FBXL5: variants seen among roughly 807,000 people sequenced by gnomAD.
The protein encoded by FBXL5 is F-box/LRR-repeat protein 5.
Under a neutral mutation model 78.3 loss-of-function variants are expected in FBXL5, and 26 were observed. That is an observed-to-expected ratio of 0.33 (90% CI 0.24 to 0.46). FBXL5 has a LOEUF of 0.46. FBXL5 is among the 20% of genes least tolerant of loss of function. The probability of loss-of-function intolerance (pLI) is 1.00; values close to 1 mark genes in which losing one functional copy is unlikely to be tolerated. For missense variants in FBXL5, 710 were observed against 829.2 expected, an observed-to-expected ratio of 0.86 and a Z score of 1.77; for synonymous variants, 295 against 282.5, an observed-to-expected ratio of 1.04 and a Z score of -0.45.
intron 1 of FBXL5, among the ~76,000 whole-genome samples, chr4:15,672,990 C>T (rs1354805235): frequency 6.6e-6 from 1 of 152,100 alleles, no homozygotes; most frequent in Non-Finnish European, 1.5e-5. Flanking sequence ...CTTCCACTTC[C>T]AGATTTTGTC....
chr4:15,625,622 C>T lies in FBXL5; in HGVS notation c.1480G>A (p.Val494Met). Reference sequence around the variant, plus strand: ...TCAACATTTCTATGTCTCCATTCCACAGTATCTTCAATATCAGCCAAATCT... The same window carrying T: ...TCAACATTTCTATGTCTCCATTCCATAGTATCTTCAATATCAGCCAAATCT... ...AEDLADIEDT[V>M]EWRHRNVESL... Residue 494 changes from valine to methionine, a missense_variant, in exon 9 of 11, where the codon GTG (valine) becomes ATG (methionine). By Grantham distance (21) the Val-to-Met change is conservative. This residue lies in a region of FBXL5 where 517 missense variants were observed against 542.9 expected (regional missense o/e 0.95). Coordinates refer to ENST00000341285, the MANE Select transcript of FBXL5 (RefSeq NM_012161.4). The T allele has an allele frequency of 6.2e-7, 1 of 1,614,176 alleles. No individual in the cohort carries two copies. Among genetic ancestry groups the T allele is most frequent in the South Asian group, 1.1e-5 (1 of 91,082 alleles).
intron 1 of FBXL5, among the ~76,000 whole-genome samples, chr4:15,650,821 T>C (rs190672704): frequency 4.6e-5 from 7 of 152,002 alleles, no homozygotes; most frequent in Admixed American, 4.6e-4. Context: ...TTAGTAGAGA[T>C]GAGGTTTCAC....
intron 9 of FBXL5, among the ~76,000 whole-genome samples, chr4:15,616,762 C>T (rs1169096233): frequency 1.3e-5 from 2 of 152,170 alleles, no homozygotes; most frequent in African/African-American, 4.8e-5. Context: ...CTGTATTTTG[C>T]CCGGCTCTCT....
At chr4:15,623,497 G>A (rs1283771857) in intron 9 of FBXL5, among the ~76,000 whole-genome samples, 1 of 144,302 alleles carries the variant, frequency 6.9e-6, no homozygotes, top group Non-Finnish European at 1.5e-5. Context: ...AATAAGGTAT[G>A]ACAGTAATAA....
At position 15,605,538 on chromosome 4, in the gene FBXL5, T is replaced by C. The variant is rs942640270; in HGVS notation, c.*185A>G. ...CTAATCCCTTTCTAAACCAAAAGTA[T>C]AATTTGCAAGAGAAACAACATTACA... On this transcript the variant is annotated 3_prime_UTR_variant, in exon 11 of 11. Coordinates refer to ENST00000341285, the MANE Select transcript of FBXL5 (RefSeq NM_012161.4). The C allele has an allele frequency of 2.0e-5, 11 of 560,220 alleles. No homozygotes were observed. The South Asian group carries it at 2.5e-4, about 13-fold the overall frequency. The allele number at this position is 560,220 out of a possible 1,614,324, so 34.7% of individuals were successfully genotyped here.
chr4:15,646,366 A>G (rs935243708), intron 1 of FBXL5, among the ~76,000 whole-genome samples: 9 of 90,576 alleles, frequency 9.9e-5, no homozygotes, highest in Non-Finnish European at 5.1e-5. Flanking sequence ...TACATATTAT[A>G]GATTTTTTTT....
At chr4:15,641,463 T>C in intron 2 of FBXL5, 3 of 351,528 alleles carry the variant, frequency 8.5e-6, no homozygotes, top group Non-Finnish European at 1.7e-5. Flanking sequence ...ACTTAATAAA[T>C]AGTGAATAGA....
chr4:15,655,159 T>C, intron 1 of FBXL5, 45 bp downstream of exon 1: 2 of 1,332,962 alleles, frequency 1.5e-6, no homozygotes, highest in Non-Finnish European at 2.0e-6. Flanking sequence ...CCGCTCCCCA[T>C]CGCCGCCCGC....
Position 15,636,518 on chromosome 4 carries a change from G to C in FBXL5, c.742C>G (p.Leu248Val). The C allele has an allele frequency of 6.2e-7, 1 of 1,611,166 alleles. No individual in the cohort carries two copies. Among genetic ancestry groups the C allele is most frequent in the Non-Finnish European group, 8.5e-7 (1 of 1,178,388 alleles). Reference sequence around the variant, plus strand: ...CCTCTGGCCCAATGAACAGGGTAAAGATGTTTCCAAAGCGATCCCGTTTTT... The same window carrying C: ...CCTCTGGCCCAATGAACAGGGTAAACATGTTTCCAAAGCGATCCCGTTTTT... Reference protein sequence around the residue: ...LTKTGSLWKHLYPVHWARGDW... With the variant: ...LTKTGSLWKHVYPVHWARGDW... The change falls in exon 5 of 11, where the codon CTT becomes GTT. Residue 248 changes from leucine to valine, a missense_variant. By Grantham distance (32) the Leu-to-Val change is conservative (BLOSUM62 1). Transcript: ENST00000341285.
chr4:15,604,660 A>C lies in FBXL5; in HGVS notation c.*1063T>G, dbSNP rs1240584892. On this transcript the variant is annotated 3_prime_UTR_variant, in exon 11 of 11. Coordinates refer to ENST00000341285, the MANE Select transcript of FBXL5 (RefSeq NM_012161.4). ...AAGTGCAATAAAGCAAAACGCAATA[A>C]GATGACATATGCCTGTATCTGTATC... is the stretch of plus-strand genomic sequence containing the variant. 1 of 152,240 alleles carries C rather than the reference A, an allele frequency of 6.6e-6. No individual in the cohort carries two copies. Among genetic ancestry groups the C allele is most frequent in the Non-Finnish European group, 1.5e-5 (1 of 68,038 alleles). 9.4% of individuals were successfully genotyped at this position (152,240 alleles called of 1,614,324 possible).
intron 1 of FBXL5, among the ~76,000 whole-genome samples, chr4:15,680,891 AAAAT>A (rs1718221098): frequency 1.3e-5 from 2 of 149,470 alleles, no homozygotes; most frequent in African/African-American, 4.9e-5. Context: ...TCAACCCAAA[AAAAT>A]AAAGCAGTAT....
chr4:15,637,664 G>A (rs921419039), intron 4 of FBXL5, among the ~76,000 whole-genome samples: 2 of 152,062 alleles, frequency 1.3e-5, no homozygotes, highest in Non-Finnish European at 2.9e-5. Flanking sequence ...TCTTAGCTTG[G>A]TATCTAAAGC....
chr4:15,612,120 A>T, intron 10 of FBXL5, 146 bp downstream of exon 10: 2 of 619,548 alleles, frequency 3.2e-6, no homozygotes, highest in Non-Finnish European at 5.1e-6. Flanking sequence ...ATGTAATTTT[A>T]AAATTTTATC....
chr4:15,612,608 T>G, intron 9 of FBXL5, among the ~76,000 whole-genome samples, 194 bp from the exon 10 acceptor site: 1 of 152,154 alleles, frequency 6.6e-6, no homozygotes, highest in East Asian at 1.9e-4. Flanking sequence ...TTCAACATTT[T>G]TCCTAACAAC....
chr4:15,622,600 T>C (rs1712598837), intron 9 of FBXL5, among the ~76,000 whole-genome samples: 1 of 152,242 alleles, frequency 6.6e-6, no homozygotes, highest in Non-Finnish European at 1.5e-5. Flanking sequence ...AGTCTGATAC[T>C]ATGTTTTCTG....
intron 2 of FBXL5, among the ~76,000 whole-genome samples, chr4:15,641,895 TG>T (rs1714922543): frequency 6.6e-6 from 1 of 151,944 alleles, no homozygotes; most frequent in Non-Finnish European, 1.5e-5. Flanking sequence ...GGTGTAATGA[TG>T]GGCACCTGTA....
chr4:15,640,021 T>C (rs1278546812), intron 3 of FBXL5, among the ~76,000 whole-genome samples: 1 of 152,128 alleles, frequency 6.6e-6, no homozygotes, highest in Non-Finnish European at 1.5e-5. Flanking sequence ...ACATGTACAG[T>C]AGGCTTAAGA....
chr4:15,613,859 T>C (rs1263026736), intron 9 of FBXL5, among the ~76,000 whole-genome samples: 6 of 152,164 alleles, frequency 3.9e-5, no homozygotes, highest in Non-Finnish European at 7.4e-5. Context: ...TTTTTTTTAT[T>C]TCTTTAAGTT....
At chr4:15,649,302 G>A (rs1303209565) in intron 1 of FBXL5, among the ~76,000 whole-genome samples, 8 of 152,022 alleles carry the variant, frequency 5.3e-5, no homozygotes, top group Admixed American at 5.2e-4. Flanking sequence ...AACCAGGGCC[G>A]GGCACAGTGG....
Sources: gnomAD v4.1 joint callset for allele counts (sites outside exome capture counted in the v4.1 genomes callset) on GRCh38, gnomAD v4.1.1 for gene constraint, gnomAD v4.1.1 regional missense constraint, MANE v1.5 for transcripts, NCBI Gene and HGNC (gene_info 2026-07-23, HGNC 2026-07-21) for gene names.